The following SATB2 variants were observed in gnomAD, a reference collection of about 807,000 sequenced individuals.
SATB2 encodes DNA-binding protein SATB2.
Under a neutral mutation model 73.4 loss-of-function variants are expected in SATB2, and 1 was observed. The observed-to-expected ratio is 0.01, with a 90% CI of 0.00 to 0.06. The LOEUF is 0.06. Ranked by LOEUF, SATB2 falls within the 10% of genes least tolerant of loss-of-function variation. The probability of loss-of-function intolerance (pLI) is 1.00; values close to 1 mark genes in which losing one functional copy is unlikely to be tolerated. For missense variants in SATB2, 459 were observed against 945.8 expected (o/e 0.49, Z 6.75); for synonymous variants, 397 against 367.0 (o/e 1.08, Z -0.93).
chr2:199,355,354 A>C (rs62178577), intron 6 of SATB2, among the ~76,000 whole-genome samples: 9 of 24,794 alleles, frequency 3.6e-4, no homozygotes, highest in African/African-American at 4.9e-4. Flanking sequence ...GTATCTATAT[A>C]TATATATATA....
intron 10 of SATB2, among the ~76,000 whole-genome samples, chr2:199,283,355 G>T (rs763492427): frequency 4.0e-5 from 6 of 150,700 alleles, no homozygotes; most frequent in Non-Finnish European, 7.4e-5. Context: ...CTCCCAAAGT[G>T]CTGGGATTAC....
intron 3 of SATB2, chr2:199,424,044 A>T (rs538803176): frequency 4.5e-4 from 68 of 152,348 alleles, no homozygotes; most frequent in African/African-American, 1.6e-3. Context: ...ATAGTAGCAC[A>T]GATTTGCTGT....
chr2:199,288,426 A>G (rs1241487308), intron 10 of SATB2, among the ~76,000 whole-genome samples: 1 of 152,222 alleles, frequency 6.6e-6, no homozygotes, highest in African/African-American at 2.4e-5. Context: ...TGTTTGGAAG[A>G]GATGCTTTAC....
chr2:199,380,640 G>T (rs1231150507), intron 4 of SATB2, among the ~76,000 whole-genome samples, 153 bp from the exon 5 acceptor site: 1 of 152,172 alleles, frequency 6.6e-6, no homozygotes, highest in East Asian at 1.9e-4. Flanking sequence ...AAGTAAAACT[G>T]CTTCTCCAAG....
chr2:199,344,151 C>A (rs1269966980), intron 7 of SATB2, among the ~76,000 whole-genome samples: 1 of 152,036 alleles, frequency 6.6e-6, no homozygotes, highest in Non-Finnish European at 1.5e-5. Context: ...TCAATTTTAT[C>A]CTTAGCCAAA....
At chr2:199,413,725 T>C (rs1488910870) in intron 3 of SATB2, among the ~76,000 whole-genome samples, 1 of 151,918 alleles carries the variant, frequency 6.6e-6, no homozygotes, top group Non-Finnish European at 1.5e-5. Flanking sequence ...CGAGAGGCAT[T>C]TGGCCTTCTG....
At chr2:199,363,473 G>C (rs149951735) in intron 6 of SATB2, among the ~76,000 whole-genome samples, 1 of 152,294 alleles carries the variant, frequency 6.6e-6, no homozygotes, top group East Asian at 1.9e-4. Flanking sequence ...GAGTAGAATG[G>C]TGTTTAACAG....
chr2:199,356,695 G>A (rs1688994182), intron 6 of SATB2, among the ~76,000 whole-genome samples: 1 of 152,068 alleles, frequency 6.6e-6, no homozygotes, highest in South Asian at 2.1e-4. Context: ...CTCTTTTTGT[G>A]AATAACTCAA....
chr2:199,317,485 C>T (rs766138117), intron 9 of SATB2, among the ~76,000 whole-genome samples: 1 of 151,966 alleles, frequency 6.6e-6, no homozygotes, highest in Non-Finnish European at 1.5e-5. Flanking sequence ...ATAATGAACT[C>T]AAAGGTTTCT....
At chr2:199,293,076 G>T (rs1245671040) in intron 10 of SATB2, among the ~76,000 whole-genome samples, 2 of 152,146 alleles carry the variant, frequency 1.3e-5, no homozygotes, top group African/African-American at 4.8e-5. Flanking sequence ...ATCAGAAAGG[G>T]TTAAGAAAAG....
chr2:199,367,826 A>G lies in SATB2; in HGVS notation c.700+779T>C, dbSNP rs545841688. On this transcript the variant is annotated intron_variant, in intron 6 of 10. Coordinates refer to ENST00000417098, the MANE Select transcript of SATB2 (RefSeq NM_001172509.2). ...ACAAAAGAATTTTTCCACCACTGAC[A>G]TATTTGAAATGGTCCTGACATGTTT... Among the ~76,000 whole-genome samples, 17 of 152,236 alleles carry G rather than the reference A, an allele frequency of 1.1e-4. No homozygotes were observed. In the South Asian group the frequency reaches 3.3e-3, roughly 30 times the overall value.
intron 3 of SATB2, among the ~76,000 whole-genome samples, chr2:199,430,246 G>A (rs1542242): frequency 0.58 from 88,825 of 152,054 alleles, 29,438 homozygotes; most frequent in Non-Finnish European, 0.74. Flanking sequence ...GGAGAGTGGG[G>A]CAGTTCCCAG....
At position 199,421,107 on chromosome 2, in the gene SATB2, A is replaced by C. The variant is rs376600403; in HGVS notation, c.346+12231T>G. On this transcript the variant is annotated intron_variant, in intron 3 of 10. Transcript: ENST00000417098. ...ATGAGCCGCATGACTCCAGAAATAC[A>C]CTCAGAAGGGAGACAATCAGAATGG... 3.3e-5 allele frequency among the ~76,000 whole-genome samples: 5 copies of C among 152,282 alleles called. No homozygotes were observed. The East Asian group carries it at 9.7e-4, about 29-fold the overall frequency.
chr2:199,416,930 G>A (rs912636774), intron 3 of SATB2, among the ~76,000 whole-genome samples: 7 of 152,000 alleles, frequency 4.6e-5, no homozygotes, highest in East Asian at 1.9e-4. Flanking sequence ...CAGCTACTCC[G>A]GAGGCTGAGG....
Position 199,322,698 on chromosome 2 carries a change from G to A in SATB2, c.1542+1105C>T, listed in dbSNP as rs573699683. Among the ~76,000 whole-genome samples the A allele has an allele frequency of 3.9e-5, 6 of 152,216 alleles. No homozygotes were observed. In the East Asian group the frequency reaches 1.2e-3, roughly 29 times the overall value. On this transcript the variant is annotated intron_variant, in intron 9 of 10. Transcript: ENST00000417098. Reference sequence around the variant, plus strand: ...TCAGGTTAAAACTGCAGGTAAAGAAGGCTAACCCTGTACTCTATAATTAAT... The same window carrying A: ...TCAGGTTAAAACTGCAGGTAAAGAAAGCTAACCCTGTACTCTATAATTAAT...
intron 3 of SATB2, among the ~76,000 whole-genome samples, chr2:199,398,690 AGTTT>A (rs1205583199): frequency 6.6e-6 from 1 of 152,224 alleles, no homozygotes; most frequent in Non-Finnish European, 1.5e-5. Context: ...GTTCTCTATA[AGTTT>A]TAAACATTTA....
intron 6 of SATB2, among the ~76,000 whole-genome samples, chr2:199,365,445 T>C (rs1336575926): frequency 6.6e-6 from 1 of 152,130 alleles, no homozygotes; most frequent in Non-Finnish European, 1.5e-5. Flanking sequence ...CCCTATCTAT[T>C]CTGAAGTAAT....
chr2:199,360,799 C>T lies in SATB2; in HGVS notation c.700+7806G>A, dbSNP rs186535056. The stretch of plus-strand genomic sequence containing the variant: ...TCTCATGTCCTTGCCACCCCTCCCT[C>T]AGTAGATGCATAGGCTTCCCTGTTC... On this transcript the variant is annotated intron_variant, in intron 6 of 10. Transcript: ENST00000417098. Among the ~76,000 whole-genome samples, 14 of 152,218 alleles carry T rather than the reference C, an allele frequency of 9.2e-5. No homozygotes were observed. In the East Asian group the frequency reaches 2.7e-3, roughly 29 times the overall value.
At chr2:199,458,396 CG>C, upstream of SATB2, 2 of 344,260 alleles carry the variant, frequency 5.8e-6, no homozygotes, top group South Asian at 2.0e-5. Context: ...GCGGTCGGAG[CG>C]GGGTGACGAG....
Sources: gnomAD v4.1 joint callset for allele counts (sites outside exome capture counted in the v4.1 genomes callset) on GRCh38, gnomAD v4.1.1 for gene constraint, MANE v1.5 for transcripts, NCBI Gene and HGNC (gene_info 2026-07-23, HGNC 2026-07-21) for gene names.